The following CNBD1 variants were observed in gnomAD, a reference collection of about 807,000 sequenced individuals.
The protein encoded by CNBD1 is cyclic nucleotide-binding domain-containing protein 1.
In CNBD1, 71 loss-of-function variants were observed where a neutral mutation model predicts 54.4. The ratio of observed to expected loss-of-function variants is 1.30; its 90% CI spans 1.08 to 1.59. The LOEUF is 1.59. Ranked by LOEUF, CNBD1 falls within the 40% of genes most tolerant of loss-of-function variation. The pLI is 0.00. For synonymous variants in CNBD1, 182 were observed against 170.7 expected (o/e 1.07, Z -0.51); for missense variants, 659 against 518.0 (o/e 1.27, Z -2.64).
In CNBD1 at chr8:87,325,166, G is replaced by C. The variant is rs1174845812; in HGVS notation, c.1043-26519G>C. 2.1e-5 allele frequency among the ~76,000 whole-genome samples: 2 copies of C among 95,304 alleles called. 1 individual carries two copies. The highest frequency in any genetic ancestry group is 1.3e-4 in the African/African-American group (2 of 15,658). The allele number at this position is 95,304 out of a possible 152,430, so 62.5% of individuals were successfully genotyped here. A position where few individuals can be genotyped will look rare whatever the true frequency, so the allele number is the denominator to read the frequency against. On this transcript the variant is annotated intron_variant, in intron 8 of 10. Transcript: ENST00000518476. ...AGTTTGATTTCACTGTGGTCTGAGAGATAGTTTGTTATAATTTCTGTTCTT... is the reference window on the plus strand; with the variant it reads ...AGTTTGATTTCACTGTGGTCTGAGACATAGTTTGTTATAATTTCTGTTCTT...
intron 6 of CNBD1, among the ~76,000 whole-genome samples, chr8:87,275,049 G>A (rs1406212850): frequency 7.5e-6 from 1 of 134,158 alleles, no homozygotes; most frequent in Non-Finnish European, 1.6e-5. Flanking sequence ...CCCATTGCTT[G>A]TTTTTCTCAG....
Position 87,387,921 on chromosome 8 carries a change from C to A in CNBD1, c.213+34135C>A, listed in dbSNP as rs543262648. Among the ~76,000 whole-genome samples, 3 of 152,246 alleles carry A rather than the reference C, an allele frequency of 2.0e-5. No homozygotes were observed. In the South Asian group the frequency reaches 6.2e-4, roughly 32 times the overall value. On this transcript the variant is annotated intron_variant, in intron 2 of 7. Transcript: ENST00000521593. ...ACAAACTGTCTCTCAGACCACAGTG[C>A]AATCAAACTAGAACTCAGGATTAAG...
At chr8:87,277,557 G>A (rs142146701) in intron 6 of CNBD1, among the ~76,000 whole-genome samples, 133 of 151,664 alleles carry the variant, frequency 8.8e-4, no homozygotes, top group African/African-American at 2.8e-3. Context: ...TAGAACTTTC[G>A]CCAGTCTCAT....
downstream of CNBD1, among the ~76,000 whole-genome samples, chr8:87,384,713 G>C (rs1188988816): frequency 6.6e-6 from 1 of 152,150 alleles, no homozygotes; most frequent in African/African-American, 2.4e-5. Flanking sequence ...ATGGCTCCAG[G>C]TATAAGATCA....
intron 4 of CNBD1, among the ~76,000 whole-genome samples, chr8:87,009,153 A>G (rs539352143): frequency 6.6e-6 from 1 of 152,190 alleles, no homozygotes; most frequent in South Asian, 2.1e-4. Context: ...AGTCTATGAT[A>G]AATTAGTGCC....
At position 87,237,088 on chromosome 8, in the gene CNBD1, G is replaced by A. The variant is rs1807599490; in HGVS notation, c.747G>A (p.Met249Ile). The change falls in exon 6 of 11, where the codon ATG becomes ATA. Residue 249 changes from methionine to isoleucine, a missense_variant. By Grantham distance (10) the Met-to-Ile change is conservative (BLOSUM62 1). Coordinates refer to ENST00000518476, the MANE Select transcript of CNBD1 (RefSeq NM_173538.3). ...TCAAAAACTCTACACTTGCTGAGAT[G>A]TACCTACCTTCATATGACTCAATGG... ...EEFKNSTLAE[M>I]YLPSYDSMLS... The A allele has an allele frequency of 3.7e-6, 6 of 1,609,972 alleles. No individual in the cohort carries two copies. The highest frequency in any genetic ancestry group is 5.1e-6 in the Non-Finnish European group (6 of 1,177,520).
chr8:87,335,352 G>T (rs1296166807), intron 8 of CNBD1, among the ~76,000 whole-genome samples: 1 of 152,012 alleles, frequency 6.6e-6, no homozygotes, highest in Non-Finnish European at 1.5e-5. Context: ...TCTCTTTGTA[G>T]GTCTCTAAGA....
chr8:87,400,378 C>T (rs1434245960), intron 2 of CNBD1, among the ~76,000 whole-genome samples: 6 of 151,832 alleles, frequency 4.0e-5, no homozygotes, highest in African/African-American at 1.5e-4. Flanking sequence ...AATTGAATTC[C>T]TGAAAGACTA....
rs925511224 is a variant in CNBD1 at position 87,024,943 on chromosome 8, G to A, written c.431+85189G>A. Among the ~76,000 whole-genome samples, 18 of 152,230 alleles carry A rather than the reference G, an allele frequency of 1.2e-4. 1 individual carries two copies. Among genetic ancestry groups the A allele is most frequent in the African/African-American group, 3.4e-4 (14 of 41,560 alleles). Reference sequence around the variant, plus strand: ...GCATTTAAAAATAACTTTCCTGAGTGCATAGAAACTGACTAAGAATCAGAC... The same window carrying A: ...GCATTTAAAAATAACTTTCCTGAGTACATAGAAACTGACTAAGAATCAGAC... On this transcript the variant is annotated intron_variant, in intron 4 of 10. Coordinates refer to ENST00000518476, the MANE Select transcript of CNBD1 (RefSeq NM_173538.3).
intron 4 of CNBD1, among the ~76,000 whole-genome samples, chr8:87,151,742 A>G (rs1812608827): frequency 6.6e-6 from 1 of 150,416 alleles, no homozygotes; most frequent in Non-Finnish European, 1.5e-5. Context: ...ATTTAAGATA[A>G]TTAAATGCAT....
chr8:87,154,710 C>T (rs1563489152), intron 4 of CNBD1, among the ~76,000 whole-genome samples: 1 of 152,138 alleles, frequency 6.6e-6, no homozygotes, highest in Non-Finnish European at 1.5e-5. Context: ...AACCTATTAA[C>T]ATTCATTAAA....
At chr8:87,284,934 G>T (rs921271734) in intron 7 of CNBD1, 119 bp downstream of exon 7, 28 of 732,030 alleles carry the variant, frequency 3.8e-5, no homozygotes, top group Non-Finnish European at 5.6e-5. Context: ...ATTTAACCTA[G>T]AGACCATAAA....
chr8:87,335,856 C>A (rs1218542085), intron 8 of CNBD1, among the ~76,000 whole-genome samples: 1 of 152,104 alleles, frequency 6.6e-6, no homozygotes, highest in Non-Finnish European at 1.5e-5. Flanking sequence ...TTTTTCCTTT[C>A]CATATTTAGT....
chr8:87,320,282 C>T (rs907426572), intron 8 of CNBD1, among the ~76,000 whole-genome samples: 6 of 152,048 alleles, frequency 3.9e-5, no homozygotes, highest in African/African-American at 1.2e-4. Context: ...ATAGGAGTTG[C>T]ATCCTAATCA....
chr8:87,210,349 C>G (rs1222592504), intron 5 of CNBD1, among the ~76,000 whole-genome samples: 1 of 152,104 alleles, frequency 6.6e-6, no homozygotes, highest in Non-Finnish European at 1.5e-5. Context: ...GTGGAAGAAT[C>G]CAAGAAGGCT....
intron 2 of CNBD1, among the ~76,000 whole-genome samples, chr8:87,413,425 GATTTA>G (rs1248678735): frequency 5.3e-5 from 8 of 152,146 alleles, no homozygotes; most frequent in Admixed American, 5.2e-4. Flanking sequence ...TACCTTGGTA[GATTTA>G]ATACTATGAC....
At chr8:87,362,698 A>T (rs994385220) in intron 10 of CNBD1, among the ~76,000 whole-genome samples, 1 of 152,070 alleles carries the variant, frequency 6.6e-6, no homozygotes, top group Non-Finnish European at 1.5e-5. Context: ...CTCAGAAAAG[A>T]CCAGGCAGCC....
At chr8:87,207,453 G>GACAC (rs35603569) in intron 5 of CNBD1, among the ~76,000 whole-genome samples, 36 of 148,316 alleles carry the variant, frequency 2.4e-4, no homozygotes, top group African/African-American at 5.4e-4. Flanking sequence ...TATGCACATA[G>GACAC]ACACACACAC....
rs572366864 is a variant in CNBD1 at position 86,874,054 on chromosome 8, CA to C, written c.88+7473del. 3.0e-3 allele frequency among the ~76,000 whole-genome samples: 458 copies of C among 152,176 alleles called. 4 individuals are homozygous for C. The highest frequency in any genetic ancestry group is 0.01 in the African/African-American group (432 of 41,514). On this transcript the variant is annotated intron_variant, in intron 1 of 10. Coordinates refer to ENST00000518476, the MANE Select transcript of CNBD1 (RefSeq NM_173538.3). ...TAATGTCCTTTCTAGTAAAACAATC[CA>C]ATTCAAAATCTCATGTTTTTCTGGT...
Sources: gnomAD v4.1 joint callset for allele counts (sites outside exome capture counted in the v4.1 genomes callset) on GRCh38, gnomAD v4.1.1 for gene constraint, MANE v1.5 for transcripts, NCBI Gene and HGNC (gene_info 2026-07-23, HGNC 2026-07-21) for gene names.